The following ST3GAL3 variants were observed in gnomAD, a reference collection of about 807,000 sequenced individuals.
ST3GAL3 encodes ST3 beta-galactoside alpha-2,3-sialyltransferase 3, also known as CMP-N-acetylneuraminate-beta-1,4-galactoside alpha-2,3-sialyltransferase.
A neutral mutation model predicts 50.1 loss-of-function variants in ST3GAL3; 21 were observed. The observed-to-expected ratio is 0.42, with a 90% CI of 0.30 to 0.60. ST3GAL3 has a LOEUF of 0.60. ST3GAL3 is among the 20% of genes least tolerant of loss of function. ST3GAL3 has a pLI of 0.19. For synonymous variants in ST3GAL3, 183 were observed against 190.0 expected (o/e 0.96, Z 0.30); for missense variants, 353 against 489.4 (o/e 0.72, Z 2.63).
chr1:43,916,125 G>A (rs766460067), intron 9 of ST3GAL3, among the ~76,000 whole-genome samples: 4 of 152,170 alleles, frequency 2.6e-5, no homozygotes, highest in Non-Finnish European at 5.9e-5. Flanking sequence ...GCAGCCCATC[G>A]TAGGCACTCA....
chr1:43,783,130 T>G (rs1699892074), intron 2 of ST3GAL3, among the ~76,000 whole-genome samples: 1 of 152,170 alleles, frequency 6.6e-6, no homozygotes, highest in Admixed American at 6.5e-5. Context: ...AAGATTTAAG[T>G]AGGTTGCCCA....
At chr1:43,741,706 C>G (rs1189723766) in intron 2 of ST3GAL3, among the ~76,000 whole-genome samples, 1 of 152,174 alleles carries the variant, frequency 6.6e-6, no homozygotes, top group African/African-American at 2.4e-5. Flanking sequence ...GAACTAGCCT[C>G]CTCTCTATAG....
intron 11 of ST3GAL3, among the ~76,000 whole-genome samples, chr1:43,925,135 C>G (rs2083687119): frequency 6.6e-6 from 1 of 151,852 alleles, no homozygotes; most frequent in Admixed American, 6.6e-5. Flanking sequence ...GCTAAAAATA[C>G]AAAAATTAGC....
chr1:43,726,648 G>T (rs1460736493), intron 1 of ST3GAL3, among the ~76,000 whole-genome samples: 1 of 152,158 alleles, frequency 6.6e-6, no homozygotes, highest in Non-Finnish European at 1.5e-5. Flanking sequence ...AGGCTGGAGT[G>T]CAGTGGCACG....
At chr1:43,797,181 A>G (rs896784274) in intron 3 of ST3GAL3, among the ~76,000 whole-genome samples, 5 of 152,242 alleles carry the variant, frequency 3.3e-5, no homozygotes, top group African/African-American at 1.2e-4. Context: ...AGCCTAGGTG[A>G]CAGTGAGACC....
At chr1:43,850,430 AG>A in intron 5 of ST3GAL3, 1 of 582,876 alleles carries the variant, frequency 1.7e-6, no homozygotes, top group Non-Finnish European at 3.4e-6. Flanking sequence ...CTCTGATGCC[AG>A]CGTTGCTCTG....
At chr1:43,844,516 G>GT (rs1558547204) in intron 5 of ST3GAL3, among the ~76,000 whole-genome samples, 1 of 152,148 alleles carries the variant, frequency 6.6e-6, no homozygotes, top group Non-Finnish European at 1.5e-5. Flanking sequence ...TCAGAGACTA[G>GT]ACTAACTATT....
intron 2 of ST3GAL3, among the ~76,000 whole-genome samples, chr1:43,789,158 C>A (rs1410181599): frequency 6.6e-6 from 1 of 152,068 alleles, no homozygotes; most frequent in Non-Finnish European, 1.5e-5. Flanking sequence ...AACAGAGACA[C>A]AATCTGTTAT....
At chr1:43,917,468 T>TATATAATATATATAATATATTATATA (rs2082029931) in intron 9 of ST3GAL3, among the ~76,000 whole-genome samples, 1 of 84,644 alleles carries the variant, frequency 1.2e-5, no homozygotes, top group Non-Finnish European at 2.2e-5. Flanking sequence ...ATATATATAA[T>TATATAATATATATAATATATTATATA]ATATAATATA....
intron 2 of ST3GAL3, among the ~76,000 whole-genome samples, chr1:43,746,871 T>G (rs1374708452): frequency 1.3e-5 from 2 of 151,884 alleles, no homozygotes; most frequent in East Asian, 3.9e-4. Flanking sequence ...CAAGCAATTC[T>G]TTTGCCTCAG....
At chr1:43,917,862 G>T (rs573591249) in intron 9 of ST3GAL3, among the ~76,000 whole-genome samples, 2 of 148,088 alleles carry the variant, frequency 1.4e-5, no homozygotes, top group African/African-American at 5.0e-5. Context: ...TAGAAACGGG[G>T]TTTCACCATG....
At chr1:43,781,794 C>G (rs1699446298) in intron 2 of ST3GAL3, among the ~76,000 whole-genome samples, 1 of 152,132 alleles carries the variant, frequency 6.6e-6, no homozygotes, top group Non-Finnish European at 1.5e-5. Flanking sequence ...AGTTCCTTCC[C>G]TCCCAATTTC....
chr1:43,853,773 G>A (rs2067810424), intron 5 of ST3GAL3, among the ~76,000 whole-genome samples: 1 of 152,338 alleles, frequency 6.6e-6, no homozygotes, highest in Admixed American at 6.5e-5. Flanking sequence ...CATTGCTATG[G>A]TCCAAGCTGG....
At chr1:43,902,570 G>A (rs2078470466) in intron 9 of ST3GAL3, among the ~76,000 whole-genome samples, 1 of 152,180 alleles carries the variant, frequency 6.6e-6, no homozygotes, top group Admixed American at 6.5e-5. Context: ...CTCCAAACAG[G>A]TTACAAAAAG....
At chr1:43,756,645 T>C (rs528318077) in intron 2 of ST3GAL3, among the ~76,000 whole-genome samples, 29 of 152,158 alleles carry the variant, frequency 1.9e-4, no homozygotes, top group Non-Finnish European at 3.8e-4. Flanking sequence ...AAGTGAAGAC[T>C]TGATTTATAT....
intron 9 of ST3GAL3, among the ~76,000 whole-genome samples, chr1:43,911,691 ATTTTT>A (rs201013233): frequency 7.2e-6 from 1 of 138,090 alleles, no homozygotes; most frequent in African/African-American, 2.7e-5. Flanking sequence ...ATAGATATGG[ATTTTT>A]TTTTTTTTTT....
At chr1:43,780,117 G>T (rs1698883816) in intron 2 of ST3GAL3, among the ~76,000 whole-genome samples, 1 of 152,060 alleles carries the variant, frequency 6.6e-6, no homozygotes, top group Non-Finnish European at 1.5e-5. Flanking sequence ...CCTGAGAAAG[G>T]ATACATGAGA....
At chr1:43,883,697 G>A (rs114227645) in intron 5 of ST3GAL3, among the ~76,000 whole-genome samples, 4,007 of 152,314 alleles carry the variant, frequency 0.026, 86 homozygotes, top group Middle Eastern at 0.054. Flanking sequence ...ACAAGGGTGC[G>A]GGGTGGGGAG....
chr1:43,890,710 CT>C (rs2076573544), intron 5 of ST3GAL3, among the ~76,000 whole-genome samples: 1 of 151,896 alleles, frequency 6.6e-6, no homozygotes, highest in Non-Finnish European at 1.5e-5. Flanking sequence ...TTCATCTCTA[CT>C]AAAAATAAAA....
Sources: gnomAD v4.1 joint callset for allele counts (sites outside exome capture counted in the v4.1 genomes callset) on GRCh38, gnomAD v4.1.1 for gene constraint, MANE v1.5 for transcripts, NCBI Gene and HGNC (gene_info 2026-07-23, HGNC 2026-07-21) for gene names.